LMO1: variants seen among roughly 807,000 people sequenced by gnomAD.
The protein encoded by LMO1 is rhombotin-1.
In LMO1, 10 loss-of-function variants were observed where a neutral mutation model predicts 18.0. The observed-to-expected ratio is 0.55, with a 90% CI of 0.34 to 0.94. The LOEUF (loss-of-function observed/expected upper bound fraction) is 0.94. Ranked by LOEUF, LMO1 falls within the 40% of genes least tolerant of loss-of-function variation. The pLI is 0.02. For missense variants in LMO1, 183 were observed against 205.7 expected, an observed-to-expected ratio of 0.89 and a Z score of 0.68; for synonymous variants, 77 against 77.9, an observed-to-expected ratio of 0.99 and a Z score of 0.06.
chr11:8,263,948 G>C (rs558254957), upstream of LMO1: 3,116 of 900,504 alleles, frequency 3.5e-3, 9 homozygotes, highest in Non-Finnish European at 4.0e-3. Flanking sequence ...GGGTTAATGG[G>C]GAGTGGAGAC....
chr11:8,258,136 A>G lies in LMO1; in HGVS notation c.25+5202T>C, dbSNP rs575568535. 1.3e-4 allele frequency among the ~76,000 whole-genome samples: 20 copies of G among 152,324 alleles called. No homozygotes were observed. In the South Asian group the frequency reaches 2.3e-3, roughly 17 times the overall value. On this transcript the variant is annotated intron_variant, in intron 1 of 3. Transcript: ENST00000335790. Reference sequence around the variant, plus strand: ...TGGACCTACATAGCTTAGTGCAATGATAGAGGTGGCAACAAGTCAAACAGT... The same window carrying G: ...TGGACCTACATAGCTTAGTGCAATGGTAGAGGTGGCAACAAGTCAAACAGT...
At chr11:8,257,222 C>T (rs1847112383) in intron 1 of LMO1, among the ~76,000 whole-genome samples, 1 of 152,152 alleles carries the variant, frequency 6.6e-6, no homozygotes. Flanking sequence ...CAAATATGGG[C>T]CTGCTGGGAA....
At chr11:8,251,480 G>A (rs1232413077) in intron 1 of LMO1, among the ~76,000 whole-genome samples, 4 of 152,170 alleles carry the variant, frequency 2.6e-5, no homozygotes, top group East Asian at 1.9e-4. Flanking sequence ...CAACAGCAGC[G>A]GGGAGGCTGG....
At chr11:8,267,459 C>T (rs1432642686), upstream of LMO1, among the ~76,000 whole-genome samples, 1 of 152,224 alleles carries the variant, frequency 6.6e-6, no homozygotes, top group African/African-American at 2.4e-5. Context: ...TTCCAGCCTC[C>T]TGCCCCAGCA....
At chr11:8,257,146 T>G (rs980654037) in intron 1 of LMO1, among the ~76,000 whole-genome samples, 2 of 152,178 alleles carry the variant, frequency 1.3e-5, no homozygotes, top group Non-Finnish European at 2.9e-5. Flanking sequence ...AACTCAGAGT[T>G]GGGAACAGAT....
Position 8,241,597 on chromosome 11 carries a change from C to A in LMO1, c.26-11093G>T, listed in dbSNP as rs999715329. 3.3e-5 allele frequency among the ~76,000 whole-genome samples: 5 copies of A among 152,200 alleles called. 1 individual carries two copies. Among genetic ancestry groups the A allele is most frequent in the Admixed American group, 2.6e-4 (4 of 15,276 alleles). ...CATGCTATTACCTTCCCAGAACACC[C>A]TTCCCTGCCTCTGCCTCTGCATATA... On this transcript the variant is annotated intron_variant, in intron 1 of 3. Transcript: ENST00000335790.
At chr11:8,225,964 C>T (rs980150198) in intron 3 of LMO1, among the ~76,000 whole-genome samples, 1 of 152,198 alleles carries the variant, frequency 6.6e-6, no homozygotes, top group African/African-American at 2.4e-5. Context: ...CCTTAGGTCC[C>T]CAGGGACTCC....
upstream of LMO1, among the ~76,000 whole-genome samples, chr11:8,266,016 C>G (rs1165799343): frequency 6.6e-6 from 1 of 152,220 alleles, no homozygotes; most frequent in Non-Finnish European, 1.5e-5. Context: ...AGCCACATGA[C>G]TGGCATCCCT....
chr11:8,225,404 C>CA (rs34847129), intron 3 of LMO1, among the ~76,000 whole-genome samples: 13,637 of 34,562 alleles, frequency 0.39, 5,403 homozygotes, highest in Non-Finnish European at 0.64. Context: ...GACTCCATCT[C>CA]AAAAAAAAAA....
At chr11:8,234,371 T>A (rs986802509) in intron 1 of LMO1, among the ~76,000 whole-genome samples, 1 of 151,836 alleles carries the variant, frequency 6.6e-6, no homozygotes, top group African/African-American at 2.4e-5. Context: ...AGAAATGCCC[T>A]CATCTTCACA....
rs149953946 is a variant in LMO1, at chr11:8,263,687, A to G, written c.-325T>C. 3,935 of 1,264,068 alleles carry G rather than the reference A, an allele frequency of 3.1e-3. 12 individuals carry two copies. Among genetic ancestry groups the G allele is most frequent in the Admixed American group, 5.0e-3 (123 of 24,456 alleles). 78.3% of individuals were successfully genotyped at this position (1,264,068 alleles called of 1,614,324 possible). ...TGATTCTCACCTTCTAAATGGCTCA[A>G]TTTGCCCAGTATAATCTGTCTTAAT... On this transcript the variant is annotated 5_prime_UTR_variant, in exon 1 of 4. Transcript: ENST00000335790.
intron 1 of LMO1, among the ~76,000 whole-genome samples, chr11:8,239,672 G>A (rs77482413): frequency 0.024 from 3,605 of 152,264 alleles, 47 homozygotes; most frequent in African/African-American, 0.036. Context: ...AGAGGTCCTG[G>A]AGACAGGCCC....
chr11:8,264,093 C>T (rs1364380040), upstream of LMO1, among the ~76,000 whole-genome samples: 1 of 151,824 alleles, frequency 6.6e-6, no homozygotes, highest in Non-Finnish European at 1.5e-5. Context: ...CTCCCAGACC[C>T]TCAGCCTTGA....
chr11:8,253,077 G>A (rs889786727), intron 1 of LMO1, among the ~76,000 whole-genome samples: 3 of 152,190 alleles, frequency 2.0e-5, no homozygotes, highest in African/African-American at 7.2e-5. Flanking sequence ...GCCTTGATGT[G>A]GAGTGTTTCG....
chr11:8,224,961 C>G (rs1273517937), intron 3 of LMO1, among the ~76,000 whole-genome samples: 1 of 152,138 alleles, frequency 6.6e-6, no homozygotes, highest in Non-Finnish European at 1.5e-5. Context: ...GACAGACAGA[C>G]AGTTGGGCCA....
intron 1 of LMO1, among the ~76,000 whole-genome samples, chr11:8,242,523 C>T (rs1405357617): frequency 6.6e-6 from 1 of 152,216 alleles, no homozygotes; most frequent in African/African-American, 2.4e-5. Context: ...GCCCCAGGCC[C>T]AAGCCTTTCT....
At chr11:8,264,237 C>CCT (rs55942662), upstream of LMO1, among the ~76,000 whole-genome samples, 150,582 of 152,130 alleles carry the variant, frequency 0.99, 74,538 homozygotes, top group East Asian at 1. Flanking sequence ...ACGATCCTAC[C>CCT]GAGTCTTACA....
At chr11:8,244,720 G>A (rs946612439) in intron 1 of LMO1, among the ~76,000 whole-genome samples, 7 of 152,222 alleles carry the variant, frequency 4.6e-5, no homozygotes. Context: ...GGCTGGCCTG[G>A]GGGTAAGGGC....
At chr11:8,228,797 G>A (rs982205768) in intron 2 of LMO1, among the ~76,000 whole-genome samples, 1 of 152,010 alleles carries the variant, frequency 6.6e-6, no homozygotes, top group African/African-American at 2.4e-5. Context: ...CTGCCACATC[G>A]TCCTAACCTG....
Sources: gnomAD v4.1 joint callset for allele counts (sites outside exome capture counted in the v4.1 genomes callset) on GRCh38, gnomAD v4.1.1 for gene constraint, MANE v1.5 for transcripts, NCBI Gene and HGNC (gene_info 2026-07-23, HGNC 2026-07-21) for gene names.